SLC2A9: variants seen among roughly 807,000 people sequenced by gnomAD.
SLC2A9 encodes the protein solute carrier family 2, facilitated glucose transporter member 9.
Under a neutral mutation model 50.6 loss-of-function variants are expected in SLC2A9, and 39 were observed. The ratio of observed to expected loss-of-function variants is 0.77; its 90% CI spans 0.60 to 1.01. SLC2A9 has a LOEUF of 1.01. Ranked by LOEUF, SLC2A9 falls within the 50% of genes least tolerant of loss-of-function variation. The probability of loss-of-function intolerance (pLI) is 0.00; values close to 1 mark genes in which losing one functional copy is unlikely to be tolerated. For synonymous variants in SLC2A9, 324 were observed against 276.9 expected (o/e 1.17, Z -1.69); for missense variants, 686 against 677.6 (o/e 1.01, Z -0.14).
chr4:9,887,689 C>G, intron 9 of SLC2A9, 47 bp from the exon 10 acceptor site: 2 of 1,408,690 alleles, frequency 1.4e-6, no homozygotes, highest in Non-Finnish European at 1.9e-6. Flanking sequence ...ATGGTGTGAC[C>G]GGAGGACCTG....
intron 1 of SLC2A9, among the ~76,000 whole-genome samples, chr4:10,027,742 G>A (rs1763802559): frequency 6.6e-6 from 1 of 151,956 alleles, no homozygotes; most frequent in Non-Finnish European, 1.5e-5. Context: ...ATACATATTA[G>A]ATGTACACAT....
intron 3 of SLC2A9, among the ~76,000 whole-genome samples, chr4:9,812,535 T>A (rs1723025384): frequency 6.6e-6 from 1 of 152,166 alleles, no homozygotes; most frequent in Middle Eastern, 3.2e-3. Context: ...TATAAGCCCT[T>A]TCTAACATAC....
intron 10 of SLC2A9, among the ~76,000 whole-genome samples, chr4:9,850,018 G>C (rs904621479): frequency 8.6e-5 from 13 of 152,010 alleles, no homozygotes; most frequent in Admixed American, 6.6e-5. Context: ...ACATCAGGAA[G>C]ACTGGCACAC....
intron 10 of SLC2A9, among the ~76,000 whole-genome samples, chr4:9,883,278 A>G (rs1393765219): frequency 6.6e-6 from 1 of 152,192 alleles, no homozygotes; most frequent in African/African-American, 2.4e-5. Flanking sequence ...ATTACCAGAG[A>G]CTGGATTTGG....
At chr4:9,774,752 C>T (rs1717316911) in intron 1 of SLC2A9, among the ~76,000 whole-genome samples, 1 of 151,802 alleles carries the variant, frequency 6.6e-6, no homozygotes, top group Admixed American at 6.6e-5. Context: ...CTTTTTCTTT[C>T]CTCTCCTTCC....
At chr4:9,793,459 C>T (rs941860442) in intron 3 of SLC2A9, among the ~76,000 whole-genome samples, 2 of 152,206 alleles carry the variant, frequency 1.3e-5, no homozygotes, top group African/African-American at 4.8e-5. Flanking sequence ...CAAGTTCATG[C>T]CCTATTCTTC....
intron 10 of SLC2A9, among the ~76,000 whole-genome samples, chr4:9,868,785 C>T (rs1412514449): frequency 2.0e-5 from 3 of 152,164 alleles, no homozygotes; most frequent in Admixed American, 1.3e-4. Context: ...GATTTTGGAA[C>T]ATAATGTTTA....
intron 5 of SLC2A9, among the ~76,000 whole-genome samples, chr4:9,953,855 G>T (rs1480850561): frequency 6.6e-6 from 1 of 152,184 alleles, no homozygotes; most frequent in Non-Finnish European, 1.5e-5. Flanking sequence ...TGTTGCCCAG[G>T]ATGGAGTGCA....
At chr4:9,957,300 T>G (rs6850143) in intron 5 of SLC2A9, among the ~76,000 whole-genome samples, 3 of 151,974 alleles carry the variant, frequency 2.0e-5, no homozygotes, top group African/African-American at 7.2e-5. Flanking sequence ...TGGAGGAGAA[T>G]CCAAACCTCC....
In SLC2A9 at chr4:9,879,948, G is replaced by A. The variant is rs7690760; in HGVS notation, c.1291+7619C>T. 1.8e-3 allele frequency: 1,748 copies of A among 985,354 alleles called. 24 individuals are homozygous for A. In the African/African-American group the frequency reaches 0.029, roughly 16 times the overall value. 61.0% of individuals were successfully genotyped at this position (985,354 alleles called of 1,614,324 possible). A position where few individuals can be genotyped will look rare whatever the true frequency, so the allele number is the denominator to read the frequency against. On this transcript the variant is annotated intron_variant, in intron 10 of 11. Coordinates refer to ENST00000264784, the MANE Select transcript of SLC2A9 (RefSeq NM_020041.3). Reference sequence around the variant, plus strand: ...TGCTTTCACCTAATTTCAACTCCTTGTCAAGTCTTCTTACATCGACCTGTT... The same window carrying A: ...TGCTTTCACCTAATTTCAACTCCTTATCAAGTCTTCTTACATCGACCTGTT...
At chr4:9,869,563 C>T (rs1305026730) in intron 10 of SLC2A9, among the ~76,000 whole-genome samples, 1 of 152,316 alleles carries the variant, frequency 6.6e-6, no homozygotes, top group East Asian at 1.9e-4. Flanking sequence ...CCATTTCCTG[C>T]TCTGGGACTC....
chr4:9,908,692 T>A (rs1442736842), intron 7 of SLC2A9, among the ~76,000 whole-genome samples: 1 of 152,112 alleles, frequency 6.6e-6, no homozygotes, highest in Non-Finnish European at 1.5e-5. Flanking sequence ...CCTAATGCTA[T>A]CCCTCCCCAC....
chr4:9,823,819 CAAG>C (rs1200070800), downstream of SLC2A9, among the ~76,000 whole-genome samples: 4 of 152,196 alleles, frequency 2.6e-5, no homozygotes, highest in East Asian at 7.7e-4. Context: ...AGATAAGAGA[CAAG>C]AAGATTGTAA....
chr4:9,959,950 T>A (rs1452935890), intron 5 of SLC2A9, among the ~76,000 whole-genome samples: 4 of 152,110 alleles, frequency 2.6e-5, no homozygotes, highest in African/African-American at 9.7e-5. Context: ...GGCAGGGAGA[T>A]AATTTATTTC....
At chr4:9,941,128 C>T (rs1002365265) in intron 6 of SLC2A9, among the ~76,000 whole-genome samples, 1 of 152,194 alleles carries the variant, frequency 6.6e-6, no homozygotes, top group Non-Finnish European at 1.5e-5. Flanking sequence ...AACCATGGTG[C>T]TGTCAACTGC....
chr4:9,797,980 G>C (rs1720795467), downstream of SLC2A9, among the ~76,000 whole-genome samples: 3 of 152,228 alleles, frequency 2.0e-5, no homozygotes, highest in Admixed American at 2.0e-4. Context: ...GCAGGGGCTA[G>C]ATGAAAGTGT....
rs184752109 is a variant in SLC2A9, at chr4:9,945,631, A to G, written c.682-3586T>C. The stretch of plus-strand genomic sequence containing the variant: ...AAATCCAGGAGGCCTGATAAGACAT[A>G]CCTAGTGACCAGGGAGGAGCCATCA... On this transcript the variant is annotated intron_variant, in intron 5 of 11. Transcript: ENST00000264784. Among the ~76,000 whole-genome samples, 251 of 152,276 alleles carry G rather than the reference A, an allele frequency of 1.6e-3. 1 individual carries two copies. The highest frequency in any genetic ancestry group is 5.4e-3 in the African/African-American group (225 of 41,554).
At chr4:9,863,069 C>T (rs928719904) in intron 10 of SLC2A9, among the ~76,000 whole-genome samples, 6 of 152,124 alleles carry the variant, frequency 3.9e-5, no homozygotes, top group Non-Finnish European at 7.4e-5. Flanking sequence ...ATGAGCTTGA[C>T]GGGGACCGAG....
At chr4:10,004,605 A>G (rs1358357280) in intron 2 of SLC2A9, among the ~76,000 whole-genome samples, 2 of 152,202 alleles carry the variant, frequency 1.3e-5, no homozygotes, top group Non-Finnish European at 2.9e-5. Flanking sequence ...GTTCCTGCTC[A>G]TCTCCTTCAA....
Sources: gnomAD v4.1 joint callset for allele counts (sites outside exome capture counted in the v4.1 genomes callset) on GRCh38, gnomAD v4.1.1 for gene constraint, MANE v1.5 for transcripts, NCBI Gene and HGNC (gene_info 2026-07-23, HGNC 2026-07-21) for gene names.